Variants in BBS7 observed in about 807,000 individuals in gnomAD.
The protein encoded by BBS7 is Bardet-Biedl syndrome 7.
BBS7 carries 50 observed loss-of-function variants against 90.3 expected under a neutral mutation model. The observed-to-expected ratio is 0.55, with a 90% confidence interval of 0.44 to 0.70. The LOEUF is 0.70. Ranked by LOEUF, BBS7 falls within the 30% of genes least tolerant of loss-of-function variation. BBS7 has a pLI of 0.00. For missense variants in BBS7, 729 were observed against 838.9 expected (o/e 0.87, Z 1.62); for synonymous variants, 235 against 287.4 (o/e 0.82, Z 1.85).
intron 12 of BBS7, 144 bp from the exon 13 acceptor site, chr4:121,839,840 T>C (rs897827182): frequency 4.3e-6 from 3 of 690,956 alleles, no homozygotes; most frequent in Non-Finnish European, 5.0e-6. Flanking sequence ...TAACTTACAC[T>C]TACAAAAACT....
Position 121,845,619 on chromosome 4 carries a change from G to A in BBS7, c.1115C>T (p.Ala372Val). ...NYQQSSQSSKAKSAVPSFGIN... is the reference protein window; with the variant it reads ...NYQQSSQSSKVKSAVPSFGIN... Reference sequence around the variant, plus strand: ...ACCAAAGGAAGGTACTGCTGATTTTGCTTTGCTTGATTGAGAAGACTGTTG... The same window carrying A: ...ACCAAAGGAAGGTACTGCTGATTTTACTTTGCTTGATTGAGAAGACTGTTG... The change falls in exon 11 of 19, where the codon GCA becomes GTA. Residue 372 changes from alanine to valine, a missense_variant. Ala to Val is a moderately conservative substitution (Grantham distance 64). Coordinates refer to ENST00000264499, the MANE Select transcript of BBS7 (RefSeq NM_176824.3). 1 of 1,612,854 alleles carries A rather than the reference G, an allele frequency of 6.2e-7. No homozygotes were observed. The highest frequency in any genetic ancestry group is 8.5e-7 in the Non-Finnish European group (1 of 1,179,170).
At chr4:121,853,381 C>T (rs139290075) in intron 7 of BBS7, among the ~76,000 whole-genome samples, 1 of 152,172 alleles carries the variant, frequency 6.6e-6, no homozygotes, top group Non-Finnish European at 1.5e-5. Context: ...TAAAACTTTC[C>T]ATACCCCAAA....
chr4:121,837,285 C>T (rs1028242613), intron 13 of BBS7, among the ~76,000 whole-genome samples: 3 of 151,864 alleles, frequency 2.0e-5, no homozygotes, highest in African/African-American at 7.3e-5. Context: ...TGTGACTTGC[C>T]TATCCATATC....
chr4:121,859,093 A>G lies in BBS7; in HGVS notation c.427T>C (p.Ser143Pro). Residue 143 changes from serine (S) to proline (P), a missense_variant, in exon 5 of 19, where the codon TCT (serine) becomes CCT (proline). Transcript: ENST00000264499. Reference protein sequence around the residue: ...CDCKDQHYYLSGDKINDVICL... With the variant: ...CDCKDQHYYLPGDKINDVICL... ...ATCACATCATTGATTTTATCCCCAG[A>G]AAGGTAATAATGTTGGTCTTTGCAG... 6.2e-7 allele frequency: 1 copy of G among 1,613,866 alleles called. No individual in the cohort carries two copies. The highest frequency in any genetic ancestry group is 8.5e-7 in the Non-Finnish European group (1 of 1,179,838).
chr4:121,856,255 C>G (rs1030683665), intron 5 of BBS7, among the ~76,000 whole-genome samples: 2 of 152,222 alleles, frequency 1.3e-5, no homozygotes, highest in East Asian at 3.9e-4. Flanking sequence ...TGACCTGCTA[C>G]TTAGATAAAA....
chr4:121,828,761 C>A (rs1474835285), intron 15 of BBS7, 33 bp from the exon 16 acceptor site: 3 of 1,271,734 alleles, frequency 2.4e-6, no homozygotes, highest in Non-Finnish European at 3.3e-6. Flanking sequence ...AAAAGAATAG[C>A]TGTAGAAGGA....
At chr4:121,845,444 T>C (rs752248186) in intron 11 of BBS7, 60 bp downstream of exon 11, 3 of 1,189,928 alleles carry the variant, frequency 2.5e-6, no homozygotes, top group Non-Finnish European at 3.7e-6. Flanking sequence ...AATTAGTACA[T>C]ATGACTGGTT....
intron 3 of BBS7, 47 bp from the exon 4 acceptor site, chr4:121,861,726 G>C (rs1180137599): frequency 6.3e-7 from 1 of 1,593,982 alleles, no homozygotes; most frequent in Non-Finnish European, 8.6e-7. Context: ...ACTTTATTGT[G>C]AGCATTTTTT....
At chr4:121,862,326 G>T (rs1323964450) in intron 3 of BBS7, among the ~76,000 whole-genome samples, 1 of 151,818 alleles carries the variant, frequency 6.6e-6, no homozygotes, top group South Asian at 2.1e-4. Flanking sequence ...TTTATTATTT[G>T]CACCAGCTTC....
intron 2 of BBS7, 99 bp from the exon 3 acceptor site, chr4:121,863,378 C>T: frequency 9.7e-7 from 1 of 1,026,360 alleles, no homozygotes; most frequent in Non-Finnish European, 1.4e-6. Flanking sequence ...TAAATACTGA[C>T]TTAATAGAGA....
intron 3 of BBS7, 149 bp from the exon 4 acceptor site, chr4:121,861,828 C>T (rs2149087932): frequency 1.3e-6 from 1 of 760,884 alleles, no homozygotes; most frequent in Non-Finnish European, 2.1e-6. Flanking sequence ...CTATATACTT[C>T]AGCAGGTCTT....
At position 121,845,577 on chromosome 4, in the gene BBS7, G is replaced by A; in HGVS notation, c.1157C>T (p.Thr386Ile). ...GTAACTGGCATCATCTTTATTTAGT[G>A]TAAATTTATCATTTATACCAAAGGA... ...VPSFGINDKF[T>I]LNKDDASYSL... The change falls in exon 11 of 19, where the codon ACA becomes ATA. Residue 386 changes from threonine (T) to isoleucine (I), a missense_variant. Coordinates refer to ENST00000264499, the MANE Select transcript of BBS7 (RefSeq NM_176824.3). 6.2e-7 allele frequency: 1 copy of A among 1,612,636 alleles called. No homozygotes were observed. The highest frequency in any genetic ancestry group is 1.3e-5 in the African/African-American group (1 of 74,964).
chr4:121,825,962 A>C lies in BBS7; in HGVS notation c.2046T>G (p.Phe682Leu), dbSNP rs753884144. Reference sequence around the variant, plus strand: ...TTTTTACATTGGTGCCTTTAAACTTAAATTTATCTATGAAAAGATCAGTGA... The same window carrying C: ...TTTTTACATTGGTGCCTTTAAACTTCAATTTATCTATGAAAAGATCAGTGA... ...GMITDLFIDKFKFKGTNVKTK... is the reference protein window; with the variant it reads ...GMITDLFIDKLKFKGTNVKTK... Residue 682 changes from phenylalanine to leucine, a missense_variant, in exon 19 of 19, where the codon TTT becomes TTG. By Grantham distance (22) the Phe-to-Leu change is conservative. Transcript: ENST00000264499. 4.4e-6 allele frequency: 7 copies of C among 1,605,736 alleles called. No homozygotes were observed. Among genetic ancestry groups the C allele is most frequent in the Non-Finnish European group, 6.0e-6 (7 of 1,173,396 alleles).
chr4:121,841,503 C>A (rs1725739811), intron 12 of BBS7, among the ~76,000 whole-genome samples: 1 of 152,066 alleles, frequency 6.6e-6, no homozygotes, highest in Non-Finnish European at 1.5e-5. Flanking sequence ...AAGTTTCAGG[C>A]TGCAATAAGC....
chr4:121,861,369 T>C, intron 4 of BBS7, 135 bp downstream of exon 4: 1 of 855,658 alleles, frequency 1.2e-6, no homozygotes, highest in Non-Finnish European at 1.7e-6. Flanking sequence ...CAAATTTAGT[T>C]TCTGACTAAT....
intron 13 of BBS7, among the ~76,000 whole-genome samples, chr4:121,836,823 T>C (rs539451873): frequency 6.6e-6 from 1 of 152,318 alleles, no homozygotes; most frequent in East Asian, 1.9e-4. Flanking sequence ...AGTGATGTTG[T>C]TCTTTAACAT....
chr4:121,835,135 T>C lies in BBS7; in HGVS notation c.1511+9A>G, dbSNP rs192602290. 31 of 1,613,682 alleles carry C rather than the reference T, an allele frequency of 1.9e-5. 1 individual carries two copies. The East Asian group carries it at 4.5e-4, about 23-fold the overall frequency. ...TCCTAAAAAGAATTTGCTCTTTCCT[T>C]TGTCCTACCTGTCATGATCAATAAA... On this transcript the variant is annotated intron_variant, in intron 14 of 18. Transcript: ENST00000264499.
chr4:121,837,635 A>G (rs750619655), intron 13 of BBS7, among the ~76,000 whole-genome samples: 12 of 152,066 alleles, frequency 7.9e-5, no homozygotes, highest in Non-Finnish European at 1.3e-4. Flanking sequence ...TGCATGGCCT[A>G]TTTATTTAGG....
At position 121,868,684 on chromosome 4, in the gene BBS7, C is replaced by CAAAAAAA. The variant is rs34910805; in HGVS notation, c.37-645_37-639dup. On this transcript the variant is annotated intron_variant, in intron 1 of 18. Transcript: ENST00000264499. ...TGCGTGACAGAACAAGACCCTGTTTCAAAAAAAAAAAAAAAAAAAAAAAAA... is the reference window on the plus strand; with the variant it reads ...TGCGTGACAGAACAAGACCCTGTTTCAAAAAAAAAAAAAAAAAAAAAAAAAAAAAAAA... Among the ~76,000 whole-genome samples, 359 of 49,690 alleles carry CAAAAAAA rather than the reference C, an allele frequency of 7.2e-3. 107 individuals carry two copies. The highest frequency in any genetic ancestry group is 0.017 in the African/African-American group (185 of 11,062). 32.6% of individuals were successfully genotyped at this position (49,690 alleles called of 152,430 possible). A position where few individuals can be genotyped will look rare whatever the true frequency, so the allele number is the denominator to read the frequency against.
Sources: gnomAD v4.1 joint callset for allele counts (sites outside exome capture counted in the v4.1 genomes callset) on GRCh38, gnomAD v4.1.1 for gene constraint, MANE v1.5 for transcripts, NCBI Gene and HGNC (gene_info 2026-07-23, HGNC 2026-07-21) for gene names.